Variants in WDR17 observed in about 807,000 individuals in gnomAD.
The protein encoded by WDR17 is WD repeat-containing protein 17.
In WDR17, 143 loss-of-function variants were observed where a neutral mutation model predicts 161.7. The observed-to-expected ratio is 0.88, with a 90% CI of 0.77 to 1.02. WDR17 has a LOEUF of 1.02. WDR17 is among the 50% of genes least tolerant of loss of function. The pLI is 0.00. For synonymous variants in WDR17, 517 were observed against 515.6 expected, an observed-to-expected ratio of 1.00 and a Z score of -0.04; for missense variants, 1,469 against 1,520.9, an observed-to-expected ratio of 0.97 and a Z score of 0.57.
intron 1 of WDR17, among the ~76,000 whole-genome samples, chr4:176,098,742 A>G (rs1054005437): frequency 2.0e-4 from 31 of 152,122 alleles, no homozygotes; most frequent in African/African-American, 7.2e-4. Flanking sequence ...TTTTAAATGT[A>G]ATAATATATA....
intron 1 of WDR17, among the ~76,000 whole-genome samples, chr4:176,077,632 A>G (rs1734222412): frequency 6.6e-6 from 1 of 152,068 alleles, no homozygotes; most frequent in Non-Finnish European, 1.5e-5. Flanking sequence ...TTTCAGTTGT[A>G]GGCAACAGAA....
At chr4:176,094,298 A>G (rs1391094386) in intron 1 of WDR17, among the ~76,000 whole-genome samples, 1 of 152,218 alleles carries the variant, frequency 6.6e-6, no homozygotes, top group African/African-American at 2.4e-5. Flanking sequence ...TTCACTCAAC[A>G]TACATTTTGT....
chr4:176,131,115 T>A (rs1010134458), intron 6 of WDR17, among the ~76,000 whole-genome samples: 12 of 152,132 alleles, frequency 7.9e-5, no homozygotes, highest in Non-Finnish European at 1.8e-4. Context: ...CTCAAAAAAA[T>A]TATTTTCACT....
In WDR17 at chr4:176,143,403, G is replaced by A. The variant is rs145410477; in HGVS notation, c.1529+1334G>A. On this transcript the variant is annotated intron_variant, in intron 11 of 28. Coordinates refer to ENST00000508596, the MANE Select transcript of WDR17 (RefSeq NM_181265.4). ...ATCTTGGCCAGGTATGGTGGCTCAT[G>A]CCTCTAATTCAAGCACTTCGGAAGC... is the stretch of plus-strand genomic sequence containing the variant. 3.0e-3 allele frequency among the ~76,000 whole-genome samples: 458 copies of A among 151,756 alleles called. 2 individuals are homozygous for A. Among genetic ancestry groups the A allele is most frequent in the Non-Finnish European group, 5.5e-3 (376 of 67,972 alleles).
Position 176,163,044 on chromosome 4 carries a change from T to C in WDR17, c.2851-110T>C, listed in dbSNP as rs1749269104. 9.1e-6 allele frequency: 12 copies of C among 1,311,972 alleles called. No individual in the cohort carries two copies. The South Asian group carries it at 1.4e-4, about 16-fold the overall frequency. 81.3% of individuals were successfully genotyped at this position (1,311,972 alleles called of 1,614,324 possible). ...TATTACAGTCAATATTTTATAAGAA[T>C]AATTGATTTATAGGTTAATACTGCT... On this transcript the variant is annotated intron_variant, in intron 21 of 28. Transcript: ENST00000508596.
Position 176,115,781 on chromosome 4 carries a change from T to C in WDR17, c.124-15T>C. Reference sequence around the variant, plus strand: ...AAGGAGCACTAAAATATTTTATTTATATATTTTGTTTTAGTTGGATCACCG... The same window carrying C: ...AAGGAGCACTAAAATATTTTATTTACATATTTTGTTTTAGTTGGATCACCG... On this transcript the variant is annotated splice_polypyrimidine_tract_variant and intron_variant, in intron 2 of 28. Coordinates refer to ENST00000508596, the MANE Select transcript of WDR17 (RefSeq NM_181265.4). 1 of 1,548,494 alleles carries C rather than the reference T, an allele frequency of 6.5e-7. No individual in the cohort carries two copies. The highest frequency in any genetic ancestry group is 8.7e-7 in the Non-Finnish European group (1 of 1,144,204).
intron 1 of WDR17, among the ~76,000 whole-genome samples, chr4:176,097,240 GATT>G (rs1172293981): frequency 3.3e-5 from 5 of 151,658 alleles, no homozygotes; most frequent in Non-Finnish European, 7.4e-5. Context: ...TAAATTTCTT[GATT>G]ATTTAAATGA....
At chr4:176,088,207 T>G (rs887179010) in intron 1 of WDR17, among the ~76,000 whole-genome samples, 2 of 152,154 alleles carry the variant, frequency 1.3e-5, no homozygotes, top group Non-Finnish European at 2.9e-5. Context: ...TTTCAACTAT[T>G]TTACTTTATT....
chr4:176,177,810 C>CT (rs1751667052), intron 28 of WDR17, among the ~76,000 whole-genome samples, 156 bp downstream of exon 28: 2 of 151,654 alleles, frequency 1.3e-5, no homozygotes, highest in Admixed American at 6.6e-5. Flanking sequence ...ATAGTTAGTA[C>CT]AAGTGGCCTC....
At chr4:176,145,388 G>A (rs1260977625) in intron 11 of WDR17, among the ~76,000 whole-genome samples, 1 of 152,156 alleles carries the variant, frequency 6.6e-6, no homozygotes, top group Non-Finnish European at 1.5e-5. Flanking sequence ...GGGCTTCATA[G>A]TTGTATCAAA....
intron 8 of WDR17, among the ~76,000 whole-genome samples, chr4:176,136,639 G>T (rs1410793117): frequency 1.3e-5 from 2 of 151,426 alleles, no homozygotes; most frequent in African/African-American, 2.4e-5. Context: ...ATAAATGAGG[G>T]TTGACAAGGA....
intron 1 of WDR17, among the ~76,000 whole-genome samples, chr4:176,084,765 T>TTA (rs1561076178): frequency 6.8e-6 from 1 of 146,770 alleles, no homozygotes; most frequent in Non-Finnish European, 1.5e-5. Flanking sequence ...TATATATATA[T>TTA]TATATATTAT....
chr4:176,068,488 T>A (rs62339380), intron 1 of WDR17: 84,956 of 151,870 alleles, frequency 0.56, 24,598 homozygotes, highest in Non-Finnish European at 0.63. Flanking sequence ...TAATCCCAGC[T>A]ACTTGGGAGG....
At chr4:176,177,420 A>T (rs1751601046) in intron 27 of WDR17, 51 bp from the exon 28 acceptor site, 2 of 1,461,882 alleles carry the variant, frequency 1.4e-6, no homozygotes, top group South Asian at 2.9e-5. Flanking sequence ...CTAAACATCA[A>T]AAATTCTGTG....
At chr4:176,158,832 C>G (rs28521347) in intron 18 of WDR17, among the ~76,000 whole-genome samples, 6,855 of 152,232 alleles carry the variant, frequency 0.045, 475 homozygotes, top group African/African-American at 0.15. Flanking sequence ...AGTGGTCTCT[C>G]CACAACTCCT....
intron 1 of WDR17, among the ~76,000 whole-genome samples, chr4:176,071,710 T>C (rs1433840573): frequency 6.6e-6 from 1 of 152,236 alleles, no homozygotes; most frequent in African/African-American, 2.4e-5. Flanking sequence ...ATTACTTCTT[T>C]GATCAAATCA....
intron 1 of WDR17, among the ~76,000 whole-genome samples, chr4:176,109,872 T>C (rs114065460): frequency 1.2e-4 from 18 of 152,312 alleles, no homozygotes; most frequent in African/African-American, 3.8e-4. Context: ...ATTAACATTA[T>C]GCAAAGCTTT....
chr4:176,108,126 A>G lies in WDR17; in HGVS notation c.-6-3449A>G, dbSNP rs865878761. Among the ~76,000 whole-genome samples, 51 of 150,760 alleles carry G rather than the reference A, an allele frequency of 3.4e-4. 2 individuals are homozygous for G. In the Middle Eastern group the frequency reaches 0.017, roughly 50 times the overall value. On this transcript the variant is annotated intron_variant, in intron 1 of 28. Coordinates refer to ENST00000508596, the MANE Select transcript of WDR17 (RefSeq NM_181265.4). ...TGGTCATAGCGCACTGCAACCTTAC[A>G]CTCCTGGTTGCACATTATGAATGTA...
chr4:176,172,431 T>C lies in WDR17; in HGVS notation c.3159T>C (p.Asp1053=), dbSNP rs750505601. 1.2e-6 allele frequency: 2 copies of C among 1,612,414 alleles called. No homozygotes were observed. Among genetic ancestry groups the C allele is most frequent in the South Asian group, 1.1e-5 (1 of 90,462 alleles). ...AGTTAGCTGAGACAGCCCGTGCAGA[T>C]GACAATATATTTGAAACTGTAAAAT... ...CMQLAETARA[D]DNIFETVKYY... The change falls in exon 24 of 29, where the codon GAT becomes GAC. Residue 1053 remains aspartate (D), a synonymous_variant. Transcript: ENST00000508596.
Sources: allele counts gnomAD v4.1 joint callset (sites outside exome capture counted in the v4.1 genomes callset), GRCh38; gene constraint gnomAD v4.1.1; transcripts MANE v1.5; gene names NCBI Gene and HGNC (gene_info 2026-07-23, HGNC 2026-07-21).